RLF: variants seen among roughly 807,000 people sequenced by gnomAD.
The protein encoded by RLF is zinc finger protein Rlf.
RLF carries 7 observed loss-of-function variants against 162.9 expected under a neutral mutation model. The observed-to-expected ratio is 0.04, with a 90% CI of 0.02 to 0.08. RLF has a LOEUF of 0.08. Ranked by LOEUF, RLF falls within the 10% of genes least tolerant of loss-of-function variation. The pLI is 1.00. For synonymous variants in RLF, 782 were observed against 791.5 expected (o/e 0.99, Z 0.20); for missense variants, 1,664 against 2,244.7 (o/e 0.74, Z 5.23).
chr1:40,164,728 C>CT (rs201482297), intron 1 of RLF, among the ~76,000 whole-genome samples: 19 of 150,898 alleles, frequency 1.3e-4, no homozygotes, highest in Middle Eastern at 3.2e-3. Context: ...ATTTTGAAGA[C>CT]TTTTTTTTTA....
chr1:40,214,907 TGA>T (rs1642904283), intron 5 of RLF, among the ~76,000 whole-genome samples: 1 of 90,942 alleles, frequency 1.1e-5, no homozygotes, highest in Admixed American at 1.7e-4. Context: ...TGGACAAGAG[TGA>T]GCCTGTCTCA....
At chr1:40,217,755 G>A (rs1642943954) in intron 5 of RLF, among the ~76,000 whole-genome samples, 1 of 152,070 alleles carries the variant, frequency 6.6e-6, no homozygotes, top group Admixed American at 6.6e-5. Context: ...CTGGGCAACA[G>A]AGCAATCCGT....
intron 5 of RLF, among the ~76,000 whole-genome samples, chr1:40,216,186 A>G (rs1642921594): frequency 6.6e-6 from 1 of 152,224 alleles, no homozygotes; most frequent in Non-Finnish European, 1.5e-5. Flanking sequence ...TTCTAGAAAG[A>G]TAAAACCCAC....
Position 40,238,710 on chromosome 1 carries a change from G to C in RLF, c.4008G>C (p.Gln1336His). ...GLIRHYRTVHQYNKEQLCLEK... is the reference protein window; with the variant it reads ...GLIRHYRTVHHYNKEQLCLEK... ...TTCGCCATTACAGAACTGTACATCA[G>C]TACAACAAAGAACAGTTATGTTTGG... The change falls in exon 8 of 8, where the codon CAG becomes CAC. Residue 1336 changes from glutamine (Q) to histidine (H), a missense_variant. By Grantham distance (24) the Gln-to-His change is conservative (BLOSUM62 0). Around this residue, in one of 15 missense-constraint regions of RLF, gnomAD observed 33 missense variants for 73.3 expected, o/e 0.45. Transcript: ENST00000372771. This position sits in a 1 kb window ranked among gnomAD's most constrained non-coding sequence, Gnocchi z 5.2. 1 of 1,613,898 alleles carries C rather than the reference G, an allele frequency of 6.2e-7. No individual in the cohort carries two copies. The highest frequency in any genetic ancestry group is 1.7e-5 in the Admixed American group (1 of 60,016).
chr1:40,173,574 T>TA (rs1239247111), intron 1 of RLF, among the ~76,000 whole-genome samples: 1 of 151,882 alleles, frequency 6.6e-6, no homozygotes, highest in African/African-American at 2.4e-5. Flanking sequence ...AGTGCAGTGT[T>TA]ACAATCTCAG....
intron 6 of RLF, among the ~76,000 whole-genome samples, chr1:40,224,172 A>G (rs549607539): frequency 1.3e-5 from 2 of 152,290 alleles, no homozygotes; most frequent in African/African-American, 4.8e-5. Context: ...GTTCTTCTGT[A>G]GCAGGAAGAG....
At chr1:40,200,136 CA>C (rs1642691342) in intron 4 of RLF, among the ~76,000 whole-genome samples, 1 of 152,026 alleles carries the variant, frequency 6.6e-6, no homozygotes, top group South Asian at 2.1e-4. Context: ...AATTTAAAAC[CA>C]AAAAACATAC....
At chr1:40,220,090 G>A (rs1340208917) in intron 5 of RLF, among the ~76,000 whole-genome samples, 1 of 152,022 alleles carries the variant, frequency 6.6e-6, no homozygotes, top group Non-Finnish European at 1.5e-5. Context: ...AAAAAAATTA[G>A]CCGGGCGTGG....
At chr1:40,176,522 C>T (rs1346865496) in intron 1 of RLF, among the ~76,000 whole-genome samples, 1 of 152,214 alleles carries the variant, frequency 6.6e-6, no homozygotes, top group Non-Finnish European at 1.5e-5. Flanking sequence ...TCACTGCAGC[C>T]TCTGCCTCCC....
intron 4 of RLF, among the ~76,000 whole-genome samples, chr1:40,200,750 T>TTA (rs142341961): frequency 0.081 from 12,104 of 148,560 alleles, 1,645 homozygotes; most frequent in African/African-American, 0.28. Flanking sequence ...AAATCTGTGA[T>TTA]TATATATATA....
chr1:40,185,822 G>T (rs1339113369), intron 1 of RLF, among the ~76,000 whole-genome samples: 1 of 80,100 alleles, frequency 1.2e-5, no homozygotes, highest in Non-Finnish European at 2.1e-5. Context: ...GAGTGAGACT[G>T]TCTCAAAAAA....
chr1:40,192,014 A>C (rs1425718943), intron 3 of RLF, among the ~76,000 whole-genome samples: 1 of 152,224 alleles, frequency 6.6e-6, no homozygotes, highest in Non-Finnish European at 1.5e-5. Flanking sequence ...AAAGACATGC[A>C]TATTAACAGA....
chr1:40,175,476 C>T (rs1320247310), intron 1 of RLF, among the ~76,000 whole-genome samples: 1 of 152,036 alleles, frequency 6.6e-6, no homozygotes, highest in Non-Finnish European at 1.5e-5. Context: ...TGGTGAAACC[C>T]TGTCTCTACC....
At chr1:40,221,430 A>G (rs532713403) in intron 5 of RLF, among the ~76,000 whole-genome samples, 1 of 152,170 alleles carries the variant, frequency 6.6e-6, no homozygotes, top group Non-Finnish European at 1.5e-5. Context: ...ACCAAATAAC[A>G]TGACCTCAGA....
chr1:40,181,673 TAAAC>T (rs898810392), intron 1 of RLF, among the ~76,000 whole-genome samples: 9 of 152,214 alleles, frequency 5.9e-5, no homozygotes, highest in African/African-American at 2.2e-4. Context: ...GTAAATTGAA[TAAAC>T]AAAGTATTTC....
At chr1:40,222,446 G>C in intron 5 of RLF, 128 bp from the exon 6 acceptor site, 1 of 719,426 alleles carries the variant, frequency 1.4e-6, no homozygotes, top group Non-Finnish European at 2.3e-6. Flanking sequence ...CATGCAAGAA[G>C]ACTCATTCAT....
chr1:40,239,599 A>T lies in RLF; in HGVS notation c.4897A>T (p.Ser1633Cys), dbSNP rs748424950. 1.2e-6 allele frequency: 2 copies of T among 1,614,002 alleles called. No homozygotes were observed. The highest frequency in any genetic ancestry group is 2.7e-5 in the African/African-American group (2 of 74,938). Residue 1633 changes from serine to cysteine, a missense_variant, in exon 8 of 8, where the codon AGT becomes TGT. This residue lies in a region of RLF where 327 missense variants were observed against 342.7 expected (regional missense o/e 0.95). Coordinates refer to ENST00000372771, the MANE Select transcript of RLF (RefSeq NM_012421.4). ...TEHSHSPGDS[S>C]APIQNTDCCH... is the part of the protein sequence containing the mutation. ...ACACAGCCATTCCCCGGGTGACAGT[A>T]GTGCACCCATCCAGAACACTGATTG...
intron 1 of RLF, among the ~76,000 whole-genome samples, chr1:40,183,529 A>C (rs1294425570): frequency 6.6e-6 from 1 of 152,198 alleles, no homozygotes; most frequent in African/African-American, 2.4e-5. Context: ...GATGACCATG[A>C]CACAACTTGC....
At chr1:40,202,822 A>G (rs1319511610) in intron 5 of RLF, among the ~76,000 whole-genome samples, 1 of 152,184 alleles carries the variant, frequency 6.6e-6, no homozygotes, top group East Asian at 1.9e-4. Context: ...TAACTAAAGA[A>G]TATACAGAGG....
Sources: gnomAD v4.1 joint callset for allele counts (sites outside exome capture counted in the v4.1 genomes callset) on GRCh38, gnomAD v4.1.1 for gene constraint, gnomAD v4.1.1 regional missense constraint, Gnocchi (gnomAD v3.1) non-coding constraint, MANE v1.5 for transcripts, NCBI Gene and HGNC (gene_info 2026-07-23, HGNC 2026-07-21) for gene names.